Variants in MSRA observed in about 807,000 individuals in gnomAD.
MSRA encodes the protein methionine sulfoxide reductase A.
A neutral mutation model predicts 31.3 loss-of-function variants in MSRA; 54 were observed. The ratio of observed to expected loss-of-function variants is 1.73; its 90% CI spans 1.39 to 2.17. The LOEUF (loss-of-function observed/expected upper bound fraction) is 2.17. Ranked by LOEUF, MSRA falls within the 30% of genes most tolerant of loss-of-function variation. The pLI, the probability that MSRA is intolerant of heterozygous loss-of-function variation, is 0.00. For missense variants in MSRA, 507 were observed against 300.9 expected (o/e 1.69, Z -5.07); for synonymous variants, 169 against 116.5 (o/e 1.45, Z -2.90).
intron 1 of MSRA, among the ~76,000 whole-genome samples, chr8:10,150,708 C>T (rs1003639212): frequency 4.6e-5 from 7 of 152,080 alleles, no homozygotes; most frequent in African/African-American, 7.2e-5. Context: ...TGAAAACAGC[C>T]GGCCTGTTCT....
intron 1 of MSRA, among the ~76,000 whole-genome samples, chr8:10,116,697 C>T (rs961942846): frequency 2.6e-5 from 4 of 151,732 alleles, no homozygotes; most frequent in African/African-American, 2.4e-5. Flanking sequence ...TTTGAGATTA[C>T]AGGCTCATGC....
chr8:10,286,254 C>A (rs1799931803), intron 3 of MSRA, among the ~76,000 whole-genome samples: 1 of 152,154 alleles, frequency 6.6e-6, no homozygotes, highest in African/African-American at 2.4e-5. Flanking sequence ...GTATCCCCAC[C>A]CAGATCTCAT....
intron 1 of MSRA, among the ~76,000 whole-genome samples, chr8:10,197,144 C>T (rs970553893): frequency 6.6e-6 from 1 of 152,052 alleles, no homozygotes; most frequent in Admixed American, 6.6e-5. Flanking sequence ...TTTATATTCT[C>T]AAGATTATCT....
At chr8:10,084,721 A>G (rs757812459) in intron 1 of MSRA, among the ~76,000 whole-genome samples, 2 of 152,252 alleles carry the variant, frequency 1.3e-5, no homozygotes, top group Non-Finnish European at 2.9e-5. Context: ...AGAAGCGTTT[A>G]GAACACTGTG....
chr8:10,412,537 G>A (rs145093574), intron 5 of MSRA, among the ~76,000 whole-genome samples: 85 of 152,266 alleles, frequency 5.6e-4, no homozygotes, highest in African/African-American at 2.0e-3. Flanking sequence ...TGGGACAGGG[G>A]TTACGCGTTT....
chr8:10,246,854 G>T (rs529241348), intron 3 of MSRA, among the ~76,000 whole-genome samples: 1 of 151,840 alleles, frequency 6.6e-6, no homozygotes, highest in African/African-American at 2.4e-5. Flanking sequence ...AAAATTAAAC[G>T]CTTATGCATA....
chr8:10,394,474 G>T (rs541007698), intron 5 of MSRA, among the ~76,000 whole-genome samples: 1 of 152,192 alleles, frequency 6.6e-6, no homozygotes, highest in Admixed American at 6.5e-5. Context: ...AATTGCACAC[G>T]TTTTCTCATT....
At chr8:10,339,880 G>C (rs1803311335) in intron 5 of MSRA, among the ~76,000 whole-genome samples, 1 of 152,078 alleles carries the variant, frequency 6.6e-6, no homozygotes, top group South Asian at 2.1e-4. Flanking sequence ...TGACTAACGA[G>C]AGGGAACATA....
At chr8:10,261,938 A>G (rs1410355843) in intron 3 of MSRA, among the ~76,000 whole-genome samples, 1 of 152,196 alleles carries the variant, frequency 6.6e-6, no homozygotes, top group Non-Finnish European at 1.5e-5. Flanking sequence ...CAGAATGTCA[A>G]GCAGCTGTGT....
At chr8:10,385,734 C>A (rs776311634) in intron 5 of MSRA, among the ~76,000 whole-genome samples, 7 of 147,004 alleles carry the variant, frequency 4.8e-5, no homozygotes, top group African/African-American at 1.7e-4. Context: ...GAAGAGCTAC[C>A]GGTGTCATAG....
intron 1 of MSRA, among the ~76,000 whole-genome samples, chr8:10,141,377 G>A (rs1179839792): frequency 3.3e-5 from 5 of 152,210 alleles, no homozygotes; most frequent in African/African-American, 9.7e-5. Flanking sequence ...TCAAGGATGA[G>A]TTGAGGTTTG....
chr8:10,100,773 CTG>C (rs1799482276), intron 1 of MSRA, among the ~76,000 whole-genome samples: 1 of 152,052 alleles, frequency 6.6e-6, no homozygotes, highest in South Asian at 2.1e-4. Flanking sequence ...AAAATGTTAC[CTG>C]TGTGTGTTCT....
Position 10,361,967 on chromosome 8 carries a change from C to T in MSRA, c.543+41978C>T, listed in dbSNP as rs527803304. Among the ~76,000 whole-genome samples, 4 of 152,226 alleles carry T rather than the reference C, an allele frequency of 2.6e-5. No individual in the cohort carries two copies. In the South Asian group the frequency reaches 8.3e-4, roughly 32 times the overall value. On this transcript the variant is annotated intron_variant, in intron 5 of 5. Coordinates refer to ENST00000317173, the MANE Select transcript of MSRA (RefSeq NM_012331.5). ...GAAATCGTTTCCTTCTCATGATCTG[C>T]GAGGCTTCCTTCCCTCCTCTCTCTT...
intron 4 of MSRA, among the ~76,000 whole-genome samples, chr8:10,316,996 C>G (rs1303438394): frequency 6.6e-6 from 1 of 152,188 alleles, no homozygotes; most frequent in Non-Finnish European, 1.5e-5. Context: ...TGCAGGTAGC[C>G]TTTGGTGCAG....
chr8:10,226,932 G>C (rs1279473736), intron 2 of MSRA, among the ~76,000 whole-genome samples: 2 of 152,144 alleles, frequency 1.3e-5, no homozygotes, highest in African/African-American at 4.8e-5. Context: ...TGTCCAGCTA[G>C]CAACCACTTG....
intron 2 of MSRA, among the ~76,000 whole-genome samples, chr8:10,231,345 C>T (rs1811457164): frequency 6.6e-6 from 1 of 152,170 alleles, no homozygotes; most frequent in South Asian, 2.1e-4. Flanking sequence ...AGGGGACTCC[C>T]AGCTTTTCTG....
chr8:10,061,528 C>T lies in MSRA; in HGVS notation c.142+6870C>T, dbSNP rs939532990. 5.9e-5 allele frequency among the ~76,000 whole-genome samples: 9 copies of T among 152,096 alleles called. No individual in the cohort carries two copies. In the East Asian group the frequency reaches 1.4e-3, roughly 23 times the overall value. On this transcript the variant is annotated intron_variant, in intron 1 of 5. Transcript: ENST00000317173. ...ATTAGATGTCTTATTGCACGGAACT[C>T]GCACAATCTGTCTCATCTCCCCACG...
chr8:10,104,568 G>T (rs556229784), intron 1 of MSRA, among the ~76,000 whole-genome samples: 176 of 152,274 alleles, frequency 1.2e-3, no homozygotes, highest in South Asian at 5.2e-3. Context: ...TCCTCAATAA[G>T]AAGGAATGGC....
chr8:10,220,558 T>C (rs1203661546), intron 2 of MSRA, among the ~76,000 whole-genome samples: 3 of 152,250 alleles, frequency 2.0e-5, no homozygotes, highest in Non-Finnish European at 2.9e-5. Context: ...TTTTTTGCCA[T>C]ATGCCTGTTG....
Sources: allele counts gnomAD v4.1 joint callset (sites outside exome capture counted in the v4.1 genomes callset), GRCh38; gene constraint gnomAD v4.1.1; transcripts MANE v1.5; gene names NCBI Gene and HGNC (gene_info 2026-07-23, HGNC 2026-07-21).